The following PDCD11 variants were observed in gnomAD, a reference collection of about 807,000 sequenced individuals.
PDCD11 encodes the protein programmed cell death 11.
A neutral mutation model predicts 198.9 loss-of-function variants in PDCD11; 97 were observed. The ratio of observed to expected loss-of-function variants is 0.49; its 90% CI spans 0.41 to 0.58. The LOEUF (loss-of-function observed/expected upper bound fraction) is 0.58, where lower values mean the gene tolerates loss of function less well. Among genes scored for constraint, PDCD11 ranks in the 20% least tolerant of loss-of-function variants. PDCD11 has a pLI of 0.00. For missense variants in PDCD11, 2,102 were observed against 2,312.7 expected (o/e 0.91, Z 1.87); for synonymous variants, 893 against 918.0 (o/e 0.97, Z 0.49).
In PDCD11 at chr10:103,416,710, C is replaced by G. The variant is rs1482139689; in HGVS notation, c.1738C>G (p.Pro580Ala). Residue 580 changes from proline (P) to alanine (A), a missense_variant, in exon 13 of 36, where the codon CCT (proline) becomes GCT (alanine). Physicochemically the swap from Pro to Ala is conservative, Grantham distance 27 (BLOSUM62 -1). Coordinates refer to ENST00000369797, the MANE Select transcript of PDCD11 (RefSeq NM_014976.2). ...GCATGAGCTCAGTACTGAGTATATCCCTGACCCGGAGAGAGTTTTTTACAC... is the reference window on the plus strand; with the variant it reads ...GCATGAGCTCAGTACTGAGTATATCGCTGACCCGGAGAGAGTTTTTTACAC... Reference protein sequence around the residue: ...PKHELSTEYIPDPERVFYTGQ... With the variant: ...PKHELSTEYIADPERVFYTGQ... 6.2e-7 allele frequency: 1 copy of G among 1,614,056 alleles called. No homozygotes were observed. The highest frequency in any genetic ancestry group is 1.7e-5 in the Admixed American group (1 of 60,004).
At chr10:103,441,318 T>G (rs1268839771) in intron 30 of PDCD11, among the ~76,000 whole-genome samples, 1 of 152,192 alleles carries the variant, frequency 6.6e-6, no homozygotes, top group East Asian at 1.9e-4. Flanking sequence ...AGTGCAGTTG[T>G]GTGATCTTGG....
chr10:103,400,382 C>T lies in PDCD11; in HGVS notation c.103-15C>T, dbSNP rs199683102. On this transcript the variant is annotated splice_polypyrimidine_tract_variant and intron_variant, in intron 2 of 35. Transcript: ENST00000369797. ...TTCTTTTGGGTCTTTGTGGGCTCCC[C>T]CTACCCGCTTCTAGATTTCTACTGA... is the stretch of plus-strand genomic sequence containing the variant. 112 of 1,607,672 alleles carry T rather than the reference C, an allele frequency of 7.0e-5. No homozygotes were observed. The East Asian group carries it at 2.4e-3, about 34-fold the overall frequency.
At chr10:103,436,493 C>T (rs2032161545) in intron 25 of PDCD11, among the ~76,000 whole-genome samples, 1 of 152,186 alleles carries the variant, frequency 6.6e-6, no homozygotes, top group South Asian at 2.1e-4. Context: ...CCCTTGGAGG[C>T]AGAGACTGGA....
At chr10:103,419,785 A>G (rs2031321361) in intron 16 of PDCD11, 77 bp downstream of exon 16, 1 of 1,315,704 alleles carries the variant, frequency 7.6e-7, no homozygotes, top group African/African-American at 1.5e-5. Flanking sequence ...AGGGAGGAGT[A>G]GGATACTTTA....
At chr10:103,414,908 G>A in intron 11 of PDCD11, 97 bp from the exon 12 acceptor site, 3 of 1,287,738 alleles carry the variant, frequency 2.3e-6, no homozygotes, top group Non-Finnish European at 3.4e-6. Context: ...AGCCCAGGAA[G>A]TTGGCTGTGA....
chr10:103,432,562 G>T (rs947085195), intron 22 of PDCD11, among the ~76,000 whole-genome samples: 2 of 152,142 alleles, frequency 1.3e-5, no homozygotes, highest in Non-Finnish European at 2.9e-5. Flanking sequence ...TGAAGTTCAG[G>T]TGCACTGTAA....
At position 103,417,634 on chromosome 10, in the gene PDCD11, T is replaced by C. The variant is rs538288520; in HGVS notation, c.1771-158T>C. On this transcript the variant is annotated intron_variant, in intron 13 of 35. Coordinates refer to ENST00000369797, the MANE Select transcript of PDCD11 (RefSeq NM_014976.2). Reference sequence around the variant, plus strand: ...TCCCAAAGGCTGCCCTGGGGGATTGTGTAGCTCTCAGTGCATTTCTTCTTT... The same window carrying C: ...TCCCAAAGGCTGCCCTGGGGGATTGCGTAGCTCTCAGTGCATTTCTTCTTT... Among the ~76,000 whole-genome samples, 3 of 152,370 alleles carry C rather than the reference T, an allele frequency of 2.0e-5. No homozygotes were observed. In the East Asian group the frequency reaches 5.8e-4, roughly 29 times the overall value.
Position 103,445,360 on chromosome 10 carries a change from T to C in PDCD11, c.5445-18T>C, listed in dbSNP as rs764775212. ...CCTGGGACTGACAGGCAAATGCCAC[T>C]CTGCTTTTCCTCAACAGGGACATCT... is the stretch of plus-strand genomic sequence containing the variant. On this transcript the variant is annotated intron_variant, in intron 35 of 35. Transcript: ENST00000369797. 6.8e-6 allele frequency: 11 copies of C among 1,613,748 alleles called. No homozygotes were observed. The highest frequency in any genetic ancestry group is 9.3e-6 in the Non-Finnish European group (11 of 1,179,754).
chr10:103,416,591 A>AT lies in PDCD11; in HGVS notation c.1619_1620insT (p.Lys540AsnfsTer34). ...GTCATTACCTGCTATGCCGATGCCA[A>AT]GCCTGGTCTGCAGACACATGGCTTC... On this transcript the variant is annotated frameshift_variant, in exon 13 of 36. Transcript: ENST00000369797. LOFTEE classifies it high-confidence loss of function. The AT allele has an allele frequency of 6.2e-6, 10 of 1,614,224 alleles. No individual in the cohort carries two copies. Among genetic ancestry groups the AT allele is most frequent in the Non-Finnish European group, 8.5e-6 (10 of 1,180,030 alleles).
chr10:103,400,387 C>T lies in PDCD11; in HGVS notation c.103-10C>T. 1 of 1,607,808 alleles carries T rather than the reference C, an allele frequency of 6.2e-7. No homozygotes were observed. Among genetic ancestry groups the T allele is most frequent in the Admixed American group, 1.7e-5 (1 of 58,360 alleles). On this transcript the variant is annotated splice_polypyrimidine_tract_variant and intron_variant, in intron 2 of 35. Coordinates refer to ENST00000369797, the MANE Select transcript of PDCD11 (RefSeq NM_014976.2). Reference sequence around the variant, plus strand: ...TTGGGTCTTTGTGGGCTCCCCCTACCCGCTTCTAGATTTCTACTGAAGAGG... The same window carrying T: ...TTGGGTCTTTGTGGGCTCCCCCTACTCGCTTCTAGATTTCTACTGAAGAGG...
chr10:103,398,625 A>T, intron 2 of PDCD11, 97 bp downstream of exon 2: 1 of 809,420 alleles, frequency 1.2e-6, no homozygotes, highest in Non-Finnish European at 2.1e-6. Context: ...ATTTTTCCAG[A>T]TTTTTTTTGC....
At position 103,415,505 on chromosome 10, in the gene PDCD11, G is replaced by T. The variant is rs1350302269; in HGVS notation, c.1518+354G>T. Among the ~76,000 whole-genome samples the T allele has an allele frequency of 3.3e-5, 5 of 152,182 alleles. No individual in the cohort carries two copies. The East Asian group carries it at 5.8e-4, about 18-fold the overall frequency. ...CCACGAACAGGACTGCCACGAACAG[G>T]TATTCCGTGCCAGTTTCTATGCTAG... On this transcript the variant is annotated intron_variant, in intron 12 of 35. Coordinates refer to ENST00000369797, the MANE Select transcript of PDCD11 (RefSeq NM_014976.2).
At chr10:103,413,020 C>G (rs1393238288) in intron 8 of PDCD11, 96 bp from the exon 9 acceptor site, 1 of 882,492 alleles carries the variant, frequency 1.1e-6, no homozygotes, top group African/African-American at 1.6e-5. Flanking sequence ...ACTCACATAC[C>G]TGGTTAGCAT....
At chr10:103,405,499 G>A (rs11191679) in intron 5 of PDCD11, 32,184 of 233,856 alleles carry the variant, frequency 0.14, 2,616 homozygotes, top group African/African-American at 0.2. Context: ...CCACCTCCTG[G>A]GTTTAAGCAA....
chr10:103,445,319 G>A (rs2032560016), intron 35 of PDCD11, 59 bp from the exon 36 acceptor site: 12 of 1,559,658 alleles, frequency 7.7e-6, no homozygotes, highest in Non-Finnish European at 9.7e-6. Flanking sequence ...GTGAGTGCTA[G>A]GCAGGAAGCA....
chr10:103,438,942 T>C, intron 27 of PDCD11, 134 bp downstream of exon 27: 3 of 870,224 alleles, frequency 3.4e-6, no homozygotes, highest in Non-Finnish European at 5.3e-6. Flanking sequence ...TCCCCACTCA[T>C]TTTTAAAATT....
At chr10:103,409,018 G>T (rs2030632663) in intron 7 of PDCD11, among the ~76,000 whole-genome samples, 1 of 152,216 alleles carries the variant, frequency 6.6e-6, no homozygotes, top group African/African-American at 2.4e-5. Flanking sequence ...CGAGAAAGGG[G>T]CTGGATATTT....
At chr10:103,432,993 A>C (rs758224699) in intron 22 of PDCD11, among the ~76,000 whole-genome samples, 5 of 152,212 alleles carry the variant, frequency 3.3e-5, no homozygotes, top group Non-Finnish European at 7.3e-5. Flanking sequence ...GGTTCAGCAC[A>C]GATAACCTTC....
In PDCD11 at chr10:103,438,013, A is replaced by G; in HGVS notation, c.3846-2A>G. ...GTTTCCTTCTCTTTTGCCTTCATTC[A>G]GATGTTACATCCTGTCCACTGCAGA... On this transcript the variant is annotated splice_acceptor_variant, in intron 25 of 35. Transcript: ENST00000369797. LOFTEE classifies it high-confidence loss of function. 6 of 1,612,764 alleles carry G rather than the reference A, an allele frequency of 3.7e-6. No individual in the cohort carries two copies. The highest frequency in any genetic ancestry group is 5.1e-6 in the Non-Finnish European group (6 of 1,178,882).
Sources: allele counts gnomAD v4.1 joint callset (sites outside exome capture counted in the v4.1 genomes callset), GRCh38; gene constraint gnomAD v4.1.1; transcripts MANE v1.5; gene names NCBI Gene and HGNC (gene_info 2026-07-23, HGNC 2026-07-21).